RORA: variants seen among roughly 807,000 people sequenced by gnomAD.
The protein encoded by RORA is RAR related orphan receptor A.
A neutral mutation model predicts 69.5 loss-of-function variants in RORA; 7 were observed. That is an observed-to-expected ratio of 0.10 (90% CI 0.06 to 0.19). The LOEUF is 0.19. RORA is among the 10% of genes least tolerant of loss of function. The probability of loss-of-function intolerance (pLI) is 1.00; values close to 1 mark genes in which losing one functional copy is unlikely to be tolerated. For synonymous variants in RORA, 261 were observed against 240.8 expected (o/e 1.08, Z -0.78); for missense variants, 457 against 663.0 (o/e 0.69, Z 3.41).
At chr15:60,730,259 C>A (rs1230058438) in intron 1 of RORA, among the ~76,000 whole-genome samples, 4 of 152,170 alleles carry the variant, frequency 2.6e-5, no homozygotes, top group Non-Finnish European at 5.9e-5. Context: ...CAGGTGTGCA[C>A]ACATGACACT....
At chr15:61,216,352 G>A (rs780432993) in intron 1 of RORA, among the ~76,000 whole-genome samples, 7 of 152,128 alleles carry the variant, frequency 4.6e-5, no homozygotes, top group Non-Finnish European at 7.3e-5. Flanking sequence ...AACAGGTTGC[G>A]AGTCTTTTAG....
At chr15:60,547,720 C>A (rs1262325285) in intron 2 of RORA, 1 of 151,258 alleles carries the variant, frequency 6.6e-6, no homozygotes, top group Non-Finnish European at 1.5e-5. Flanking sequence ...ATATCAAGCT[C>A]ACTTTTCTAG....
intron 1 of RORA, among the ~76,000 whole-genome samples, chr15:61,198,588 C>A (rs1357694193): frequency 6.7e-6 from 1 of 148,166 alleles, no homozygotes; most frequent in Non-Finnish European, 1.5e-5. Flanking sequence ...AAGTATTACC[C>A]AAAAATGTTC....
chr15:61,001,095 C>G (rs1480582115), intron 1 of RORA, among the ~76,000 whole-genome samples: 1 of 152,190 alleles, frequency 6.6e-6, no homozygotes, highest in East Asian at 1.9e-4. Flanking sequence ...ATGTCTAACC[C>G]ACTGGTTTCT....
chr15:60,898,997 C>T (rs527581982), intron 1 of RORA, among the ~76,000 whole-genome samples: 1 of 152,298 alleles, frequency 6.6e-6, no homozygotes, highest in African/African-American at 2.4e-5. Flanking sequence ...CAAGTTAATG[C>T]ATTCATGCCA....
intron 1 of RORA, among the ~76,000 whole-genome samples, chr15:60,702,424 G>T (rs1411331871): frequency 1.3e-5 from 2 of 152,032 alleles, no homozygotes; most frequent in Non-Finnish European, 2.9e-5. Flanking sequence ...TAGAGATGGG[G>T]TTTTGCCGTG....
At chr15:60,810,149 G>A (rs1362614773) in intron 1 of RORA, among the ~76,000 whole-genome samples, 1 of 152,156 alleles carries the variant, frequency 6.6e-6, no homozygotes, top group Non-Finnish European at 1.5e-5. Context: ...TCCTGAAAGA[G>A]TGTGTGTAAG....
chr15:60,912,793 A>AT (rs760158142), intron 1 of RORA, among the ~76,000 whole-genome samples: 4 of 105,252 alleles, frequency 3.8e-5, no homozygotes, highest in Non-Finnish European at 9.7e-5. Flanking sequence ...ACAAAACACA[A>AT]CAAAAAAAAT....
chr15:61,056,564 G>C (rs1383131165), intron 1 of RORA, among the ~76,000 whole-genome samples: 1 of 152,108 alleles, frequency 6.6e-6, no homozygotes, highest in Admixed American at 6.6e-5. Flanking sequence ...GATTCAAACT[G>C]GCTTTTATGA....
At chr15:61,143,171 T>C (rs186891236) in intron 1 of RORA, among the ~76,000 whole-genome samples, 2 of 152,228 alleles carry the variant, frequency 1.3e-5, no homozygotes, top group Admixed American at 1.3e-4. Context: ...ATAAATAGCT[T>C]ATATAAACAA....
intron 1 of RORA, among the ~76,000 whole-genome samples, chr15:61,124,114 C>T (rs747789371): frequency 4.5e-4 from 69 of 152,324 alleles, no homozygotes; most frequent in Admixed American, 1.6e-3. Context: ...AAGCAGATTT[C>T]CCTTGCTGCT....
chr15:60,813,014 G>C (rs570656053), intron 1 of RORA, among the ~76,000 whole-genome samples: 1 of 152,326 alleles, frequency 6.6e-6, no homozygotes, highest in East Asian at 1.9e-4. Context: ...GTAGCTTACA[G>C]AAAAAGCTTT....
At chr15:61,204,626 A>G (rs1347540032) in intron 1 of RORA, among the ~76,000 whole-genome samples, 2 of 152,234 alleles carry the variant, frequency 1.3e-5, no homozygotes, top group Admixed American at 1.3e-4. Flanking sequence ...GTTTTAAGCA[A>G]GAACATGAGA....
intron 1 of RORA, among the ~76,000 whole-genome samples, chr15:61,090,963 A>G (rs1011877606): frequency 6.6e-6 from 1 of 152,144 alleles, no homozygotes; most frequent in African/African-American, 2.4e-5. Context: ...GTCCCTGCTA[A>G]TACCTAAAAC....
At position 60,940,956 on chromosome 15, in the gene RORA, T is replaced by C. The variant is rs570354075; in HGVS notation, c.167-262270A>G. On this transcript the variant is annotated intron_variant, in intron 1 of 10. Coordinates refer to ENST00000335670, the MANE Select transcript of RORA (RefSeq NM_134261.3). ...AAATAAATAAATAATCATAATATTTTAGTCAGTGGAAGAAAAGGAAAACAA... is the reference window on the plus strand; with the variant it reads ...AAATAAATAAATAATCATAATATTTCAGTCAGTGGAAGAAAAGGAAAACAA... 5.9e-5 allele frequency among the ~76,000 whole-genome samples: 9 copies of C among 152,286 alleles called. No individual in the cohort carries two copies. The South Asian group carries it at 1.9e-3, about 32-fold the overall frequency.
At chr15:60,516,807 A>G (rs552920160) in intron 3 of RORA, among the ~76,000 whole-genome samples, 19 of 152,328 alleles carry the variant, frequency 1.2e-4, no homozygotes, top group African/African-American at 3.6e-4. Flanking sequence ...GAGAATGTAG[A>G]AAGATCCTAA....
At chr15:60,792,119 A>G (rs1488988634) in intron 1 of RORA, among the ~76,000 whole-genome samples, 1 of 152,200 alleles carries the variant, frequency 6.6e-6, no homozygotes, top group African/African-American at 2.4e-5. Flanking sequence ...AATGAACCAG[A>G]TAGAAATCCT....
chr15:60,791,611 T>C (rs2072418665), intron 1 of RORA, among the ~76,000 whole-genome samples: 1 of 152,228 alleles, frequency 6.6e-6, no homozygotes. Flanking sequence ...AGGTGGGAAC[T>C]GCAGAGGCAG....
intron 1 of RORA, among the ~76,000 whole-genome samples, chr15:60,964,556 C>T (rs1258719389): frequency 6.6e-6 from 1 of 152,130 alleles, no homozygotes; most frequent in African/African-American, 2.4e-5. Context: ...TGGGGAGAGA[C>T]AGAATAAGAT....
Sources: allele counts gnomAD v4.1 joint callset (sites outside exome capture counted in the v4.1 genomes callset), GRCh38; gene constraint gnomAD v4.1.1; transcripts MANE v1.5; gene names NCBI Gene and HGNC (gene_info 2026-07-23, HGNC 2026-07-21).